The following MAP3K3 variants were observed in gnomAD, a reference collection of about 807,000 sequenced individuals.
MAP3K3 encodes the protein mitogen-activated protein kinase kinase kinase 3.
Under a neutral mutation model 80.9 loss-of-function variants are expected in MAP3K3, and 12 were observed. The observed-to-expected ratio is 0.15, with a 90% CI of 0.10 to 0.24. The LOEUF (loss-of-function observed/expected upper bound fraction) is 0.24. MAP3K3 is among the 10% of genes least tolerant of loss of function. The pLI is 1.00. For missense variants in MAP3K3, 596 were observed against 834.7 expected, an observed-to-expected ratio of 0.71 and a Z score of 3.52; for synonymous variants, 272 against 307.1, an observed-to-expected ratio of 0.89 and a Z score of 1.19.
Position 63,681,872 on chromosome 17 carries a change from G to C in MAP3K3, c.609G>C (p.Glu203Asp). ...ACACCAGCATCAACAGTGAGGGGGA[G>C]TTCATCCCAGAGACCAGCGAGCAGT... ...GSYTSINSEG[E>D]FIPETSEQCM... Residue 203 changes from glutamate to aspartate, a missense_variant, in exon 7 of 16, where the codon GAG (glutamate) becomes GAC (aspartate). Transcript: ENST00000361733. 6.6e-7 allele frequency: 1 copy of C among 1,511,508 alleles called. No homozygotes were observed. 93.6% of individuals were successfully genotyped at this position (1,511,508 alleles called of 1,614,324 possible).
In MAP3K3 at chr17:63,622,659, C is replaced by G. The variant is rs2034010044; in HGVS notation, c.-101C>G. On this transcript the variant is annotated 5_prime_UTR_variant, in exon 1 of 16. Coordinates refer to ENST00000361733, the MANE Select transcript of MAP3K3 (RefSeq NM_002401.5). ...CGCAGCCCGCGCCCCCCGCGCGGAG[C>G]CAGGCCCGCTGCCGTCCCCGCCGCC... is the stretch of plus-strand genomic sequence containing the variant. 3.0e-6 allele frequency: 1 copy of G among 335,662 alleles called. No individual in the cohort carries two copies. The highest frequency in any genetic ancestry group is 6.0e-6 in the Non-Finnish European group (1 of 167,748). 20.8% of individuals were successfully genotyped at this position (335,662 alleles called of 1,614,324 possible). A position where few individuals can be genotyped will look rare whatever the true frequency, so the allele number is the denominator to read the frequency against.
At chr17:63,685,116 C>T (rs1229115200) in intron 7 of MAP3K3, among the ~76,000 whole-genome samples, 1 of 152,140 alleles carries the variant, frequency 6.6e-6, no homozygotes, top group Non-Finnish European at 1.5e-5. Flanking sequence ...ATGAGGCAAT[C>T]CTTGTCTTTG....
chr17:63,658,244 G>T (rs995296793), intron 5 of MAP3K3, among the ~76,000 whole-genome samples: 2 of 152,130 alleles, frequency 1.3e-5, no homozygotes, highest in African/African-American at 4.8e-5. Flanking sequence ...GATTCGTTTG[G>T]CAGTGCCGAT....
chr17:63,685,785 TAGC>T (rs556944355), intron 8 of MAP3K3, among the ~76,000 whole-genome samples, 195 bp downstream of exon 8: 4 of 152,372 alleles, frequency 2.6e-5, no homozygotes, highest in Middle Eastern at 3.4e-3. Flanking sequence ...GCTCATAAAA[TAGC>T]AGCTCATTTA....
In MAP3K3 at chr17:63,690,339, A is replaced by G. The variant is rs2035558819; in HGVS notation, c.1139A>G (p.Tyr380Cys). The part of the protein sequence containing the change: ...QGAFGRVYLC[Y>C]DVDTGRELAS... ...GCCTTCGGCAGGGTCTATTTGTGCT[A>G]TGACGTGGACACGGGACGTGAACTT... The change falls in exon 12 of 16, where the codon TAT becomes TGT. Residue 380 changes from tyrosine to cysteine, a missense_variant. Tyr to Cys is a radical substitution (Grantham distance 194). Around this residue, in one of 2 missense-constraint regions of MAP3K3, gnomAD observed 364 missense variants for 588.9 expected, o/e 0.62. Transcript: ENST00000361733. 6.2e-7 allele frequency: 1 copy of G among 1,614,198 alleles called. No homozygotes were observed. Among genetic ancestry groups the G allele is most frequent in the Non-Finnish European group, 8.5e-7 (1 of 1,180,030 alleles).
chr17:63,660,920 G>A (rs1233645899), intron 5 of MAP3K3, among the ~76,000 whole-genome samples: 1 of 151,728 alleles, frequency 6.6e-6, no homozygotes, highest in East Asian at 1.9e-4. Flanking sequence ...TCCCTATATG[G>A]CAGCTTCTAA....
rs779162078 is a variant in MAP3K3 at position 63,691,227 on chromosome 17, G to A, written c.1338G>A (p.Met446Ile). The A allele has an allele frequency of 2.5e-6, 4 of 1,614,140 alleles. No individual in the cohort carries two copies. Among genetic ancestry groups the A allele is most frequent in the Non-Finnish European group, 3.4e-6 (4 of 1,180,030 alleles). ...EKTLTIFMEY[M>I]PGGSVKDQLK... Reference sequence around the variant, plus strand: ...CCCTGACCATCTTCATGGAGTACATGCCAGGGGTACGTGCCCCTTGAATGC... The same window carrying A: ...CCCTGACCATCTTCATGGAGTACATACCAGGGGTACGTGCCCCTTGAATGC... The change falls in exon 13 of 16, where the codon ATG becomes ATA. Residue 446 changes from methionine to isoleucine, a missense_variant. Physicochemically the swap from Met to Ile is conservative, Grantham distance 10 (BLOSUM62 1). Around this residue, in one of 2 missense-constraint regions of MAP3K3, gnomAD observed 364 missense variants for 588.9 expected, o/e 0.62. Coordinates refer to ENST00000361733, the MANE Select transcript of MAP3K3 (RefSeq NM_002401.5). The surrounding 1 kb of genome is among the most constrained non-coding windows in gnomAD (Gnocchi z 4.8).
chr17:63,623,945 C>T (rs1220292489), intron 1 of MAP3K3, among the ~76,000 whole-genome samples: 2 of 152,006 alleles, frequency 1.3e-5, no homozygotes, highest in African/African-American at 4.8e-5. Flanking sequence ...TCAAATTCGC[C>T]AGATATTGTT....
At chr17:63,683,045 T>G (rs1298733775) in intron 7 of MAP3K3, among the ~76,000 whole-genome samples, 1 of 152,240 alleles carries the variant, frequency 6.6e-6, no homozygotes. Context: ...ATTCTGGTCT[T>G]TTCAATAAAC....
At chr17:63,661,342 T>C (rs1356633146) in intron 5 of MAP3K3, among the ~76,000 whole-genome samples, 2 of 152,214 alleles carry the variant, frequency 1.3e-5, no homozygotes, top group Non-Finnish European at 2.9e-5. Context: ...CCACCGGATC[T>C]GGCCAGTCTC....
At chr17:63,688,615 G>A (rs2035513189) in intron 9 of MAP3K3, 21 bp downstream of exon 9, 2 of 1,611,864 alleles carry the variant, frequency 1.2e-6, no homozygotes, top group Non-Finnish European at 1.7e-6. Flanking sequence ...CAGAGCCTGG[G>A]TGGGTAATGC....
chr17:63,653,286 A>G lies in MAP3K3; in HGVS notation c.267+630A>G, dbSNP rs79599111. ...TCCAAGAAGAATATTACAGACTACAATCAGCTTAGGCTGGTGCTTTGCAGT... is the reference window on the plus strand; with the variant it reads ...TCCAAGAAGAATATTACAGACTACAGTCAGCTTAGGCTGGTGCTTTGCAGT... On this transcript the variant is annotated intron_variant, in intron 4 of 15. Coordinates refer to ENST00000361733, the MANE Select transcript of MAP3K3 (RefSeq NM_002401.5). 3.9e-5 allele frequency among the ~76,000 whole-genome samples: 6 copies of G among 152,336 alleles called. 1 individual carries two copies. In the East Asian group the frequency reaches 7.7e-4, roughly 20 times the overall value.
intron 5 of MAP3K3, among the ~76,000 whole-genome samples, chr17:63,662,523 A>G (rs1489130647): frequency 6.6e-6 from 1 of 152,106 alleles, no homozygotes; most frequent in Non-Finnish European, 1.5e-5. Context: ...TCTCCAGTCT[A>G]CATCTGGGGA....
intron 1 of MAP3K3, among the ~76,000 whole-genome samples, chr17:63,623,244 C>T (rs1410820258): frequency 6.6e-6 from 1 of 152,184 alleles, no homozygotes; most frequent in Non-Finnish European, 1.5e-5. Flanking sequence ...TGTGAGAGTT[C>T]CCGGGGCTTG....
Position 63,693,768 on chromosome 17 carries a change from C to G in MAP3K3, c.1872C>G (p.Leu624=), listed in dbSNP as rs55753067. ...EELLTHHFAQ[L]MY ...TGCTCACACACCACTTTGCACAGCT[C>G]ATGTACTGAGCTCTCACGGCCACAC... Residue 624 remains leucine, a synonymous_variant, in exon 16 of 16, where the codon CTC becomes CTG. Transcript: ENST00000361733. The surrounding 1 kb of genome is among the most constrained non-coding windows in gnomAD (Gnocchi z 4.2). The G allele has an allele frequency of 8.8e-4, 1,415 of 1,599,064 alleles. 16 individuals carry two copies. In the East Asian group the frequency reaches 0.025, roughly 28 times the overall value.
chr17:63,656,381 T>A lies in MAP3K3; in HGVS notation c.268-1413T>A, dbSNP rs140554470. 6.6e-5 allele frequency among the ~76,000 whole-genome samples: 10 copies of A among 151,668 alleles called. No homozygotes were observed. The East Asian group carries it at 1.9e-3, about 29-fold the overall frequency. The stretch of plus-strand genomic sequence containing the variant: ...AGTTTGGTAGGCTGAGGTGGGCAGA[T>A]TACTTGAGGTCAGGAGTTCAAGACC... On this transcript the variant is annotated intron_variant, in intron 4 of 15. Coordinates refer to ENST00000361733, the MANE Select transcript of MAP3K3 (RefSeq NM_002401.5).
Position 63,625,181 on chromosome 17 carries a change from C to T in MAP3K3, c.4+2418C>T, listed in dbSNP as rs144040829. The stretch of plus-strand genomic sequence containing the variant: ...AGCTGTTCTAAGCCCAAGACTGAAG[C>T]CTGTTTGACAACTTGGGTTAATAAA... On this transcript the variant is annotated intron_variant, in intron 1 of 15. Transcript: ENST00000361733. 3.1e-3 allele frequency among the ~76,000 whole-genome samples: 470 copies of T among 152,274 alleles called. 2 individuals are homozygous for T. The highest frequency in any genetic ancestry group is 0.011 in the African/African-American group (447 of 41,558).
intron 4 of MAP3K3, among the ~76,000 whole-genome samples, 195 bp from the exon 5 acceptor site, chr17:63,657,599 A>G (rs1476943522): frequency 6.6e-6 from 1 of 152,136 alleles, no homozygotes; most frequent in African/African-American, 2.4e-5. Flanking sequence ...AAGGTACTAC[A>G]AATTTTTGGA....
intron 1 of MAP3K3, among the ~76,000 whole-genome samples, chr17:63,622,986 C>T (rs1241219461): frequency 4.0e-5 from 6 of 149,304 alleles, no homozygotes; most frequent in African/African-American, 1.5e-4. Context: ...GCCCGCTCGG[C>T]AGCCCTCCTT....
Sources: gnomAD v4.1 joint callset for allele counts (sites outside exome capture counted in the v4.1 genomes callset) on GRCh38, gnomAD v4.1.1 for gene constraint, gnomAD v4.1.1 regional missense constraint, Gnocchi (gnomAD v3.1) non-coding constraint, MANE v1.5 for transcripts, NCBI Gene and HGNC (gene_info 2026-07-23, HGNC 2026-07-21) for gene names.